The following KSR1 variants were observed in gnomAD, a reference collection of about 807,000 sequenced individuals.
The protein encoded by KSR1 is kinase suppressor of ras.
KSR1 carries 35 observed loss-of-function variants against 92.9 expected under a neutral mutation model. That is an observed-to-expected ratio of 0.38 (90% CI 0.29 to 0.50). The LOEUF is 0.50. Among genes scored for constraint, KSR1 ranks in the 20% least tolerant of loss-of-function variants. The pLI is 0.94. For synonymous variants in KSR1, 467 were observed against 472.6 expected (o/e 0.99, Z 0.15); for missense variants, 972 against 1,158.5 (o/e 0.84, Z 2.34).
At chr17:27,506,182 G>C (rs1018636839) in intron 1 of KSR1, among the ~76,000 whole-genome samples, 3 of 152,194 alleles carry the variant, frequency 2.0e-5, no homozygotes, top group African/African-American at 7.2e-5. Context: ...AGGCAATAGT[G>C]TAGTAATAAG....
chr17:27,488,453 C>A (rs935583541), intron 1 of KSR1, among the ~76,000 whole-genome samples: 2 of 151,850 alleles, frequency 1.3e-5, no homozygotes, highest in African/African-American at 4.8e-5. Context: ...TTGATAGTTA[C>A]TTAGGGTGTT....
At chr17:27,621,916 T>C (rs1288195562) in intron 20 of KSR1, 2 of 1,613,568 alleles carry the variant, frequency 1.2e-6, no homozygotes, top group African/African-American at 2.7e-5. Flanking sequence ...CTTTCTTCTC[T>C]TTCCCTCTGT....
At chr17:27,614,176 A>G (rs916061629) in intron 18 of KSR1, among the ~76,000 whole-genome samples, 3 of 152,232 alleles carry the variant, frequency 2.0e-5, no homozygotes, top group African/African-American at 4.8e-5. Flanking sequence ...CTTTTTCCAC[A>G]TGACATTTTA....
chr17:27,570,701 G>T (rs982254398), intron 2 of KSR1, among the ~76,000 whole-genome samples: 2 of 152,124 alleles, frequency 1.3e-5, no homozygotes, highest in Non-Finnish European at 2.9e-5. Context: ...GGCTGGGCTC[G>T]AGTTCAGTGG....
intron 2 of KSR1, among the ~76,000 whole-genome samples, chr17:27,570,824 C>A (rs929927487): frequency 2.0e-5 from 3 of 152,222 alleles, no homozygotes; most frequent in Non-Finnish European, 2.9e-5. Flanking sequence ...TGGGCCCCAA[C>A]GCCTGTCTGC....
chr17:27,478,563 C>T (rs1959508644), intron 1 of KSR1, among the ~76,000 whole-genome samples: 1 of 152,096 alleles, frequency 6.6e-6, no homozygotes, highest in African/African-American at 2.4e-5. Context: ...CATGAGCTGT[C>T]CATTATTGTT....
intron 1 of KSR1, among the ~76,000 whole-genome samples, chr17:27,497,016 G>T (rs1464655145): frequency 3.3e-5 from 5 of 152,182 alleles, no homozygotes; most frequent in Non-Finnish European, 7.3e-5. Flanking sequence ...TTCCTGCTCT[G>T]GTGTTTTCTA....
chr17:27,605,476 G>A lies in KSR1; in HGVS notation c.1657G>A (p.Glu553Lys). The change falls in exon 14 of 21, where the codon GAG becomes AAG. Residue 553 changes from glutamate to lysine, a missense_variant. By Grantham distance (56) the Glu-to-Lys change is moderately conservative. Coordinates refer to ENST00000644974, the MANE Select transcript of KSR1 (RefSeq NM_001394583.1). Reference sequence around the variant, plus strand: ...TGGCAAGTCAGAGGCAGAAGACGATGAGGACGAGGTGGACGACTTGCCGAG... The same window carrying A: ...TGGCAAGTCAGAGGCAGAAGACGATAAGGACGAGGTGGACGACTTGCCGAG... ...EAGKSEAEDDEDEVDDLPSSR... is the reference protein window; with the variant it reads ...EAGKSEAEDDKDEVDDLPSSR... 3 of 1,608,838 alleles carry A rather than the reference G, an allele frequency of 1.9e-6. No homozygotes were observed. Among genetic ancestry groups the A allele is most frequent in the Non-Finnish European group, 2.5e-6 (3 of 1,178,488 alleles).
Position 27,582,846 on chromosome 17 carries a change from C to A in KSR1, c.721C>A (p.Pro241Thr), listed in dbSNP as rs1567852733. 1 of 1,613,508 alleles carries A rather than the reference C, an allele frequency of 6.2e-7. No individual in the cohort carries two copies. The highest frequency in any genetic ancestry group is 8.5e-7 in the Non-Finnish European group (1 of 1,179,664). The change falls in exon 4 of 21, where the codon CCC becomes ACC. Residue 241 changes from proline to threonine, a missense_variant. Pro to Thr is a conservative substitution (Grantham distance 38). This residue lies in a region of KSR1 where 611 missense variants were observed against 668.0 expected (regional missense o/e 0.91). Transcript: ENST00000644974. ...TCTGCCCGCCTCAGACTCCCCCACC[C>A]CCAGCTTCAGTGAGGGCCTCTCAGA... ...SALPASDSPT[P>T]SFSEGLSDTC...
intron 1 of KSR1, among the ~76,000 whole-genome samples, chr17:27,515,225 T>C (rs1159838765): frequency 3.3e-5 from 5 of 152,248 alleles, no homozygotes; most frequent in Non-Finnish European, 7.3e-5. Flanking sequence ...ATTGCAGTCA[T>C]GTGCCGCATT....
At chr17:27,569,809 G>T (rs1048226687) in intron 2 of KSR1, among the ~76,000 whole-genome samples, 7 of 152,216 alleles carry the variant, frequency 4.6e-5, no homozygotes, top group Non-Finnish European at 8.8e-5. Flanking sequence ...ACTCTGTGTG[G>T]CTTTCAGAAA....
In KSR1 at chr17:27,590,902, G is replaced by A. The variant is rs1027897668; in HGVS notation, c.1130+8G>A. On this transcript the variant is annotated splice_region_variant and intron_variant, in intron 7 of 20. Coordinates refer to ENST00000644974, the MANE Select transcript of KSR1 (RefSeq NM_001394583.1). ...GAAGTGCAAGCATTGCAGGTGATGG[G>A]AAGAGGAGTGGGGGTGGGGGGAGCA... The A allele has an allele frequency of 6.2e-7, 1 of 1,607,534 alleles. No homozygotes were observed. Among genetic ancestry groups the A allele is most frequent in the Non-Finnish European group, 8.5e-7 (1 of 1,176,888 alleles).
chr17:27,595,990 A>G (rs1361823272), intron 9 of KSR1, among the ~76,000 whole-genome samples: 1 of 152,112 alleles, frequency 6.6e-6, no homozygotes, highest in African/African-American at 2.4e-5. Flanking sequence ...TGAGTTGATA[A>G]TCAGTGCCGC....
At chr17:27,537,178 TG>T (rs2070780959) in intron 1 of KSR1, among the ~76,000 whole-genome samples, 2 of 152,206 alleles carry the variant, frequency 1.3e-5, no homozygotes. Flanking sequence ...GTGGTGCAGC[TG>T]GGGGTTGTAT....
intron 3 of KSR1, among the ~76,000 whole-genome samples, chr17:27,580,418 G>A (rs1438227456): frequency 6.6e-6 from 1 of 152,146 alleles, no homozygotes; most frequent in East Asian, 1.9e-4. Flanking sequence ...GGGATGGGAT[G>A]TGCAAAGAAA....
chr17:27,564,683 G>C (rs2071986819), intron 2 of KSR1, among the ~76,000 whole-genome samples: 1 of 151,970 alleles, frequency 6.6e-6, no homozygotes, highest in African/African-American at 2.4e-5. Context: ...GATTGGCTTG[G>C]CTTTGACCAC....
intron 12 of KSR1, among the ~76,000 whole-genome samples, chr17:27,604,327 T>C (rs2073674277): frequency 6.6e-6 from 1 of 152,160 alleles, no homozygotes; most frequent in Non-Finnish European, 1.5e-5. Context: ...GTCACACAGC[T>C]AGGAAGCGAT....
At chr17:27,582,549 C>G in intron 3 of KSR1, 97 bp from the exon 4 acceptor site, 1 of 1,093,602 alleles carries the variant, frequency 9.1e-7, no homozygotes. Flanking sequence ...AACAGTGCAG[C>G]CTCACACCAG....
intron 1 of KSR1, among the ~76,000 whole-genome samples, chr17:27,518,259 C>T (rs1394794933): frequency 2.0e-5 from 3 of 152,126 alleles, no homozygotes; most frequent in East Asian, 1.9e-4. Flanking sequence ...AGGTGTGAAA[C>T]AGCTTGGATG....
Sources: allele counts gnomAD v4.1 joint callset (sites outside exome capture counted in the v4.1 genomes callset), GRCh38; gene constraint gnomAD v4.1.1; regional missense constraint gnomAD v4.1.1; transcripts MANE v1.5; gene names NCBI Gene and HGNC (gene_info 2026-07-23, HGNC 2026-07-21).